RSRC1: variants seen among roughly 807,000 people sequenced by gnomAD.
RSRC1 encodes the protein arginine and serine rich coiled-coil 1, also known as serine/Arginine-related protein 53.
A neutral mutation model predicts 49.1 loss-of-function variants in RSRC1; 39 were observed. The ratio of observed to expected loss-of-function variants is 0.79; its 90% confidence interval spans 0.61 to 1.04. The LOEUF (loss-of-function observed/expected upper bound fraction) is 1.04. Ranked by LOEUF, RSRC1 falls within the 50% of genes least tolerant of loss-of-function variation. The pLI is 0.00. For missense variants in RSRC1, 388 were observed against 402.4 expected, an observed-to-expected ratio of 0.96 and a Z score of 0.31; for synonymous variants, 143 against 130.8, an observed-to-expected ratio of 1.09 and a Z score of -0.63.
rs1471510763 is a variant in RSRC1 at position 158,542,885 on chromosome 3, TA to T, written c.760-447del. Among the ~76,000 whole-genome samples, 5 of 152,320 alleles carry T rather than the reference TA, an allele frequency of 3.3e-5. No homozygotes were observed. The East Asian group carries it at 9.6e-4, about 29-fold the overall frequency. On this transcript the variant is annotated intron_variant, in intron 8 of 9. Transcript: ENST00000611884. ...AACCTTTGAATTTACTTTTCATACC[TA>T]AATTGGCCAACTAAATGTTGGATAT...
At chr3:158,421,733 G>C (rs1735071787) in intron 6 of RSRC1, among the ~76,000 whole-genome samples, 1 of 151,800 alleles carries the variant, frequency 6.6e-6, no homozygotes, top group African/African-American at 2.4e-5. Context: ...AAACCATCAT[G>C]TACAAACACA....
At chr3:158,171,182 C>T (rs1305123615) in intron 3 of RSRC1, among the ~76,000 whole-genome samples, 4 of 152,182 alleles carry the variant, frequency 2.6e-5, no homozygotes, top group Non-Finnish European at 5.9e-5. Flanking sequence ...ATTGGAACTA[C>T]AACCCACAGA....
chr3:158,213,302 A>G (rs1015506672), intron 4 of RSRC1, among the ~76,000 whole-genome samples: 4 of 151,926 alleles, frequency 2.6e-5, no homozygotes, highest in African/African-American at 9.7e-5. Context: ...AGTAAGTTGT[A>G]ATGCATTCCA....
At chr3:158,252,320 C>A (rs1409750857) in intron 4 of RSRC1, among the ~76,000 whole-genome samples, 1 of 135,374 alleles carries the variant, frequency 7.4e-6, no homozygotes, top group African/African-American at 2.8e-5. Context: ...CGCCACCACG[C>A]CCGGCTAATT....
intron 4 of RSRC1, among the ~76,000 whole-genome samples, chr3:158,255,302 C>T (rs563674157): frequency 6.6e-6 from 1 of 152,186 alleles, no homozygotes; most frequent in Non-Finnish European, 1.5e-5. Context: ...GTTTTCCCAG[C>T]ACCATTTATT....
At position 158,123,973 on chromosome 3, in the gene RSRC1, C is replaced by A; in HGVS notation, c.302C>A (p.Ser101Ter). 1.9e-6 allele frequency: 3 copies of A among 1,599,934 alleles called. No individual in the cohort carries two copies. In the South Asian group the frequency reaches 3.4e-5, roughly 18 times the overall value. Residue 101 changes from serine to a stop codon, truncating the protein, a stop_gained, in exon 3 of 10, where the codon TCA becomes TAA. Coordinates refer to ENST00000611884, the MANE Select transcript of RSRC1 (RefSeq NM_001271838.2). LOFTEE classifies it high-confidence loss of function. ...GKSYRVQRSR[S>*]KSRTRRSRSR... ...TCCTATAGAGTTCAGAGGTCTAGGT[C>A]AAAAAGCAGAACAAGAAGGTATGCC...
At chr3:158,123,495 G>C (rs112239902) in intron 2 of RSRC1, among the ~76,000 whole-genome samples, 4,476 of 152,058 alleles carry the variant, frequency 0.029, 230 homozygotes, top group African/African-American at 0.1. Context: ...ACTTGGCCTT[G>C]CTGTGTTGCC....
chr3:158,362,885 T>C (rs1731554627), intron 6 of RSRC1, among the ~76,000 whole-genome samples: 1 of 152,260 alleles, frequency 6.6e-6, no homozygotes, highest in Non-Finnish European at 1.5e-5. Context: ...ACAATACCTG[T>C]AACACAATTT....
At chr3:158,417,708 A>G (rs1734820586) in intron 6 of RSRC1, among the ~76,000 whole-genome samples, 1 of 151,544 alleles carries the variant, frequency 6.6e-6, no homozygotes, top group Non-Finnish European at 1.5e-5. Flanking sequence ...TAGGGAGAAT[A>G]TTAATATCAA....
At chr3:158,202,084 G>T (rs1559940995) in intron 3 of RSRC1, among the ~76,000 whole-genome samples, 1 of 151,996 alleles carries the variant, frequency 6.6e-6, no homozygotes, top group Non-Finnish European at 1.5e-5. Context: ...GTGCAATCTG[G>T]GCTCACTGCA....
At chr3:158,458,697 A>G (rs1737469999) in intron 6 of RSRC1, among the ~76,000 whole-genome samples, 1 of 152,156 alleles carries the variant, frequency 6.6e-6, no homozygotes, top group Non-Finnish European at 1.5e-5. Flanking sequence ...AGGATCATGA[A>G]TCATTAGAGC....
intron 4 of RSRC1, among the ~76,000 whole-genome samples, chr3:158,256,456 G>A (rs1296978890): frequency 6.6e-6 from 1 of 152,200 alleles, no homozygotes; most frequent in African/African-American, 2.4e-5. Flanking sequence ...GCTGGATTTG[G>A]TTTGCCAGTA....
intron 5 of RSRC1, among the ~76,000 whole-genome samples, chr3:158,308,184 G>T (rs987997864): frequency 6.6e-6 from 1 of 151,896 alleles, no homozygotes; most frequent in Admixed American, 6.6e-5. Context: ...AAAAAATAAA[G>T]TCTGTTATTT....
intron 6 of RSRC1, among the ~76,000 whole-genome samples, chr3:158,358,952 A>AC (rs566364159): frequency 0.22 from 33,082 of 147,044 alleles, 4,177 homozygotes; most frequent in Non-Finnish European, 0.29. Flanking sequence ...ACACACACAC[A>AC]ACTTATTAAT....
rs1013327774 is a variant in RSRC1 at position 158,234,173 on chromosome 3, A to G, written c.494+30928A>G. ...ATTGGTTTGTATCAGCCAAGTCTCAATGGCTTGTATTGCAGCTGAAGCAGT... is the reference window on the plus strand; with the variant it reads ...ATTGGTTTGTATCAGCCAAGTCTCAGTGGCTTGTATTGCAGCTGAAGCAGT... On this transcript the variant is annotated intron_variant, in intron 4 of 9. Transcript: ENST00000611884. 6.6e-5 allele frequency among the ~76,000 whole-genome samples: 10 copies of G among 152,322 alleles called. 1 individual carries two copies. In the South Asian group the frequency reaches 1.9e-3, roughly 28 times the overall value.
chr3:158,472,976 A>G (rs1738202148), intron 7 of RSRC1, among the ~76,000 whole-genome samples: 1 of 152,208 alleles, frequency 6.6e-6, no homozygotes, highest in Admixed American at 6.5e-5. Flanking sequence ...ATCATCTCAC[A>G]CCAGTTAGAA....
At chr3:158,199,719 T>C (rs1720915984) in intron 3 of RSRC1, among the ~76,000 whole-genome samples, 2 of 152,340 alleles carry the variant, frequency 1.3e-5, no homozygotes, top group South Asian at 4.1e-4. Context: ...TTTTTCATTT[T>C]CATTCAGTTC....
At chr3:158,434,318 A>G (rs749097453) in intron 6 of RSRC1, among the ~76,000 whole-genome samples, 6 of 151,936 alleles carry the variant, frequency 3.9e-5, no homozygotes, top group Non-Finnish European at 5.9e-5. Flanking sequence ...CAATTTTTCT[A>G]ATTCTTTATT....
At chr3:158,518,450 A>AT (rs141852640) in intron 7 of RSRC1, among the ~76,000 whole-genome samples, 46,154 of 149,796 alleles carry the variant, frequency 0.31, 7,249 homozygotes, top group South Asian at 0.41. Flanking sequence ...TGGGTCATAG[A>AT]TTTTCTTTTA....
Sources: gnomAD v4.1 joint callset for allele counts (sites outside exome capture counted in the v4.1 genomes callset) on GRCh38, gnomAD v4.1.1 for gene constraint, MANE v1.5 for transcripts, NCBI Gene and HGNC (gene_info 2026-07-23, HGNC 2026-07-21) for gene names.